LNX2: variants seen among roughly 807,000 people sequenced by gnomAD.
LNX2 encodes the protein ligand of Numb protein X 2.
A neutral mutation model predicts 66.2 loss-of-function variants in LNX2; 35 were observed. The observed-to-expected ratio is 0.53, with a 90% CI of 0.40 to 0.70. LNX2 has a LOEUF of 0.70. Ranked by LOEUF, LNX2 falls within the 30% of genes least tolerant of loss-of-function variation. The pLI is 0.00. For synonymous variants in LNX2, 337 were observed against 315.6 expected, an observed-to-expected ratio of 1.07 and a Z score of -0.72; for missense variants, 791 against 850.8, an observed-to-expected ratio of 0.93 and a Z score of 0.87.
Position 27,607,724 on chromosome 13 carries a change from A to T in LNX2, c.-101+12651T>A, listed in dbSNP as rs188214732. On this transcript the variant is annotated intron_variant, in intron 1 of 9. Coordinates refer to ENST00000316334, the MANE Select transcript of LNX2 (RefSeq NM_153371.4). ...TCTATATGCCTTGTTTTGACTCTTA[A>T]TTATTTCCAGTTTTCACTATTTAAC... is the stretch of plus-strand genomic sequence containing the variant. Among the ~76,000 whole-genome samples, 35 of 152,336 alleles carry T rather than the reference A, an allele frequency of 2.3e-4. No individual in the cohort carries two copies. In the East Asian group the frequency reaches 3.9e-3, roughly 17 times the overall value.
intron 1 of LNX2, among the ~76,000 whole-genome samples, chr13:27,610,979 G>A (rs1181789783): frequency 6.6e-6 from 1 of 152,312 alleles, no homozygotes; most frequent in Non-Finnish European, 1.5e-5. Context: ...CATAGAGCAT[G>A]TAGAGAAACT....
intron 1 of LNX2, among the ~76,000 whole-genome samples, chr13:27,588,021 CAAAAAAAAA>C (rs56812051): frequency 4.3e-4 from 40 of 93,514 alleles, no homozygotes; most frequent in African/African-American, 5.7e-4. Context: ...ACTCTTGTCA[CAAAAAAAAA>C]AAAAAAAAAA....
chr13:27,580,306 G>A (rs924789174), intron 2 of LNX2, among the ~76,000 whole-genome samples: 1 of 151,728 alleles, frequency 6.6e-6, no homozygotes, highest in African/African-American at 2.4e-5. Context: ...AAAATGAGGG[G>A]GATTAGATAA....
intron 2 of LNX2, among the ~76,000 whole-genome samples, chr13:27,574,325 T>G (rs1353557814): frequency 6.6e-6 from 1 of 152,148 alleles, no homozygotes; most frequent in Non-Finnish European, 1.5e-5. Flanking sequence ...ATGCCTGTAA[T>G]CTCAGCTACT....
intron 1 of LNX2, among the ~76,000 whole-genome samples, chr13:27,582,661 TG>T (rs1955413726): frequency 6.6e-6 from 1 of 152,056 alleles, no homozygotes; most frequent in Non-Finnish European, 1.5e-5. Context: ...AAACACCACA[TG>T]TTCTCACTCA....
intron 1 of LNX2, among the ~76,000 whole-genome samples, chr13:27,595,492 T>C (rs1955587650): frequency 1.4e-5 from 2 of 146,980 alleles, no homozygotes; most frequent in South Asian, 4.3e-4. Context: ...TGTGTCAACT[T>C]TTACCTGCCT....
chr13:27,556,190 A>C (rs775877272), intron 7 of LNX2, 46 bp downstream of exon 7: 10 of 1,546,462 alleles, frequency 6.5e-6, no homozygotes, highest in Non-Finnish European at 8.9e-6. Flanking sequence ...ATGTGCATTT[A>C]ATTCAGAAAT....
chr13:27,584,078 C>G (rs1329961861), intron 1 of LNX2, among the ~76,000 whole-genome samples: 1 of 152,092 alleles, frequency 6.6e-6, no homozygotes, highest in African/African-American at 2.4e-5. Context: ...TAAAACTGTG[C>G]AGCAAAGAAA....
chr13:27,609,649 G>C (rs1454618897), intron 1 of LNX2, among the ~76,000 whole-genome samples: 1 of 152,060 alleles, frequency 6.6e-6, no homozygotes, highest in African/African-American at 2.4e-5. Flanking sequence ...TCATTTTATA[G>C]GAAAAAAGTT....
chr13:27,581,697 T>C lies in LNX2; in HGVS notation c.7A>G (p.Thr3Ala). The C allele has an allele frequency of 3.1e-6, 5 of 1,596,634 alleles. No individual in the cohort carries two copies. Among genetic ancestry groups the C allele is most frequent in the East Asian group, 2.2e-5 (1 of 44,734 alleles). ...ACAGACACCATCTCATCACTTGTTG[T>C]TCCCATTTTGAATCAATTCTGTATC... MGTTSDEMVSVEQ... is the reference protein window; with the variant it reads MGATSDEMVSVEQ... The change falls in exon 2 of 10, where the codon ACA becomes GCA. Residue 3 changes from threonine (T) to alanine (A), a missense_variant. By Grantham distance (58) the Thr-to-Ala change is moderately conservative. Coordinates refer to ENST00000316334, the MANE Select transcript of LNX2 (RefSeq NM_153371.4).
At chr13:27,580,614 C>A (rs1296366241) in intron 2 of LNX2, among the ~76,000 whole-genome samples, 1 of 152,080 alleles carries the variant, frequency 6.6e-6, no homozygotes, top group African/African-American at 2.4e-5. Flanking sequence ...AATTACTTAA[C>A]CTTTTAAAAA....
chr13:27,567,887 A>C, intron 3 of LNX2, 48 bp from the exon 4 acceptor site: 1 of 1,415,002 alleles, frequency 7.1e-7, no homozygotes, highest in Non-Finnish European at 9.9e-7. Flanking sequence ...TAAAAAAATA[A>C]ACAAACCCAA....
In LNX2 at chr13:27,569,152, C is replaced by T. The variant is rs1955245192; in HGVS notation, c.532G>A (p.Ala178Thr). The change falls in exon 3 of 10, where the codon GCA (alanine) becomes ACA (threonine). Residue 178 changes from alanine (A) to threonine (T), a missense_variant. Physicochemically the swap from Ala to Thr is moderately conservative, Grantham distance 58. Coordinates refer to ENST00000316334, the MANE Select transcript of LNX2 (RefSeq NM_153371.4). ...ACTGCGCCTGTCCCCAAACAGTCTGCTTCTGGAGATAAGGTACCTGCAGGA... is the reference window on the plus strand; with the variant it reads ...ACTGCGCCTGTCCCCAAACAGTCTGTTTCTGGAGATAAGGTACCTGCAGGA... The part of the protein sequence containing the change: ...LDPAGTLSPE[A>T]DCLGTGAVPV... 6.2e-7 allele frequency: 1 copy of T among 1,612,630 alleles called. No individual in the cohort carries two copies. The highest frequency in any genetic ancestry group is 1.7e-5 in the Admixed American group (1 of 59,694).
chr13:27,567,934 A>G, intron 3 of LNX2, 95 bp from the exon 4 acceptor site: 1 of 928,628 alleles, frequency 1.1e-6, no homozygotes, highest in Non-Finnish European at 1.7e-6. Context: ...TAAGTATGTC[A>G]CATTAATACA....
At chr13:27,574,502 G>A (rs1198874834) in intron 2 of LNX2, among the ~76,000 whole-genome samples, 1 of 151,444 alleles carries the variant, frequency 6.6e-6, no homozygotes, top group Admixed American at 6.6e-5. Flanking sequence ...TAGGTTTATT[G>A]AGATCATCCA....
At chr13:27,555,813 A>G (rs114834177) in intron 7 of LNX2, among the ~76,000 whole-genome samples, 1,700 of 152,346 alleles carry the variant, frequency 0.011, 29 homozygotes, top group African/African-American at 0.038. Flanking sequence ...TAGCATTGAT[A>G]GGGAATATGA....
At chr13:27,556,457 T>C (rs1462123823) in intron 6 of LNX2, 44 bp from the exon 7 acceptor site, 2 of 1,527,044 alleles carry the variant, frequency 1.3e-6, no homozygotes, top group South Asian at 1.2e-5. Flanking sequence ...GAATAAAATA[T>C]AGTTGAAGTA....
chr13:27,615,279 A>G (rs1955814300), intron 1 of LNX2, among the ~76,000 whole-genome samples: 1 of 152,222 alleles, frequency 6.6e-6, no homozygotes, highest in Non-Finnish European at 1.5e-5. Flanking sequence ...TAGGTTTACC[A>G]GTTTATTATA....
chr13:27,568,161 A>G (rs917490632), intron 3 of LNX2, among the ~76,000 whole-genome samples: 2 of 152,206 alleles, frequency 1.3e-5, no homozygotes, highest in African/African-American at 4.8e-5. Context: ...ACCACGAAAC[A>G]ACTGTACATA....
Sources: gnomAD v4.1 joint callset for allele counts (sites outside exome capture counted in the v4.1 genomes callset) on GRCh38, gnomAD v4.1.1 for gene constraint, MANE v1.5 for transcripts, NCBI Gene and HGNC (gene_info 2026-07-23, HGNC 2026-07-21) for gene names.